Variants in GALNT13 observed in about 807,000 individuals in gnomAD.
GALNT13 encodes UDP-GalNAc:polypeptide N-acetylgalactosaminyltransferase 13.
A neutral mutation model predicts 64.2 loss-of-function variants in GALNT13; 28 were observed. The ratio of observed to expected loss-of-function variants is 0.44; its 90% CI spans 0.32 to 0.60. GALNT13 has a LOEUF of 0.60. GALNT13 is among the 20% of genes least tolerant of loss of function. GALNT13 has a pLI of 0.05. For synonymous variants in GALNT13, 214 were observed against 224.6 expected (o/e 0.95, Z 0.42); for missense variants, 577 against 669.8 (o/e 0.86, Z 1.53).
At chr2:153,248,947 G>A in the GALNT13 span, among the ~76,000 whole-genome samples, 2 of 151,814 alleles carry the variant, frequency 1.3e-5, no homozygotes, top group Non-Finnish European at 2.9e-5. Flanking sequence ...AAAGCTGGAA[G>A]CATTCCCCTT....
At chr2:153,916,885 T>G (rs922233761) in intron 2 of GALNT13, among the ~76,000 whole-genome samples, 2 of 152,212 alleles carry the variant, frequency 1.3e-5, no homozygotes, top group African/African-American at 4.8e-5. Context: ...TTCTATACTT[T>G]GAATTAAACT....
At chr2:153,578,777 A>G in the GALNT13 span, among the ~76,000 whole-genome samples, 1 of 152,204 alleles carries the variant, frequency 6.6e-6, no homozygotes, top group Non-Finnish European at 1.5e-5. Context: ...TCAGTTAGCA[A>G]TATTTTATGA....
the GALNT13 span, among the ~76,000 whole-genome samples, chr2:153,080,639 T>G: frequency 6.6e-6 from 1 of 152,112 alleles, no homozygotes; most frequent in East Asian, 1.9e-4. Context: ...AAGACCTTGT[T>G]GATTTGTTAT....
chr2:153,661,156 A>G, the GALNT13 span, among the ~76,000 whole-genome samples: 1 of 152,084 alleles, frequency 6.6e-6, no homozygotes, highest in African/African-American at 2.4e-5. Context: ...ATCCTGTCCA[A>G]TTCACTTAAC....
chr2:153,522,496 A>G, the GALNT13 span, among the ~76,000 whole-genome samples: 5 of 152,252 alleles, frequency 3.3e-5, no homozygotes, highest in East Asian at 9.7e-4. Flanking sequence ...TCTTACCTGC[A>G]CTGAATGAGA....
At chr2:153,643,444 T>C in the GALNT13 span, among the ~76,000 whole-genome samples, 2 of 151,522 alleles carry the variant, frequency 1.3e-5, no homozygotes, top group African/African-American at 4.8e-5. Context: ...CAATTCTAGA[T>C]TTGTAAAAGT....
chr2:153,555,265 G>C, the GALNT13 span, among the ~76,000 whole-genome samples: 1 of 101,900 alleles, frequency 9.8e-6, no homozygotes, highest in African/African-American at 4.0e-5. Context: ...CGCGATCTCG[G>C]CTCACTGCAA....
At chr2:153,225,357 A>G in the GALNT13 span, among the ~76,000 whole-genome samples, 233 of 152,348 alleles carry the variant, frequency 1.5e-3, no homozygotes, top group African/African-American at 5.3e-3. Context: ...TGATAAAAAC[A>G]TCTATAAAAT....
At chr2:153,832,027 T>G in the GALNT13 span, among the ~76,000 whole-genome samples, 1 of 152,316 alleles carries the variant, frequency 6.6e-6, no homozygotes, top group South Asian at 2.1e-4. Flanking sequence ...TTTTAAGTAA[T>G]TAATTTTTTC....
Position 154,081,953 on chromosome 2 carries a change from A to G in GALNT13, c.143-58384A>G, listed in dbSNP as rs548802953. Reference sequence around the variant, plus strand: ...TAGATTCTTCAAATATCTTGTGAATATGACAAATTTCTTCTAAAATAGCAT... The same window carrying G: ...TAGATTCTTCAAATATCTTGTGAATGTGACAAATTTCTTCTAAAATAGCAT... On this transcript the variant is annotated intron_variant, in intron 3 of 12. Coordinates refer to ENST00000392825, the MANE Select transcript of GALNT13 (RefSeq NM_052917.4). 8.6e-5 allele frequency among the ~76,000 whole-genome samples: 13 copies of G among 151,838 alleles called. No homozygotes were observed. The South Asian group carries it at 1.9e-3, about 22-fold the overall frequency.
chr2:154,069,323 T>TA (rs1406547067), intron 3 of GALNT13, among the ~76,000 whole-genome samples: 1 of 151,366 alleles, frequency 6.6e-6, no homozygotes, highest in African/African-American at 2.4e-5. Context: ...AAGTCAATAT[T>TA]AAAAAAAATA....
chr2:153,457,412 A>C, the GALNT13 span, among the ~76,000 whole-genome samples: 1 of 152,194 alleles, frequency 6.6e-6, no homozygotes, highest in Non-Finnish European at 1.5e-5. Context: ...TATTTTCTCA[A>C]ATATCAGAAA....
intron 4 of GALNT13, among the ~76,000 whole-genome samples, chr2:154,145,835 G>C (rs999290485): frequency 6.6e-6 from 1 of 151,802 alleles, no homozygotes; most frequent in South Asian, 2.1e-4. Flanking sequence ...TCATTTATAA[G>C]GTTTGCCTTT....
chr2:153,491,510 A>T, the GALNT13 span, among the ~76,000 whole-genome samples: 1 of 152,124 alleles, frequency 6.6e-6, no homozygotes. Context: ...TCCCTGTGAG[A>T]ACAAGAACAG....
At chr2:153,188,935 A>G in the GALNT13 span, among the ~76,000 whole-genome samples, 13 of 152,298 alleles carry the variant, frequency 8.5e-5, no homozygotes, top group Middle Eastern at 3.4e-3. Context: ...AGGTTATACT[A>G]TCACTACAAG....
At chr2:154,298,537 T>TATAATTTATATATAAATTGTATATACA (rs1553511314) in intron 8 of GALNT13, among the ~76,000 whole-genome samples, 1 of 76,942 alleles carries the variant, frequency 1.3e-5, no homozygotes, top group African/African-American at 5.4e-5. Flanking sequence ...AAATTGTATA[T>TATAATTTATATATAAATTGTATATACA]ATTTATATAT....
intron 10 of GALNT13, among the ~76,000 whole-genome samples, chr2:154,406,162 T>C (rs1699530579): frequency 6.6e-6 from 1 of 152,144 alleles, no homozygotes; most frequent in African/African-American, 2.4e-5. Flanking sequence ...TTTCTTGATG[T>C]CTTTATTTGT....
intron 3 of GALNT13, among the ~76,000 whole-genome samples, chr2:154,046,981 A>G (rs1429402917): frequency 6.6e-6 from 1 of 151,882 alleles, no homozygotes; most frequent in Non-Finnish European, 1.5e-5. Context: ...AATATACAGT[A>G]CTTTCTGGTG....
At chr2:153,992,414 A>G (rs957694372) in intron 3 of GALNT13, among the ~76,000 whole-genome samples, 1 of 152,186 alleles carries the variant, frequency 6.6e-6, no homozygotes, top group Admixed American at 6.6e-5. Context: ...CTTTAATGCT[A>G]TTTATAATGC....
Sources: gnomAD v4.1 joint callset for allele counts (sites outside exome capture counted in the v4.1 genomes callset) on GRCh38, gnomAD v4.1.1 for gene constraint, MANE v1.5 for transcripts, NCBI Gene and HGNC (gene_info 2026-07-23, HGNC 2026-07-21) for gene names.